The following MED12L variants were observed in gnomAD, a reference collection of about 807,000 sequenced individuals.
MED12L encodes mediator of RNA polymerase II transcription subunit 12-like protein.
MED12L carries 60 observed loss-of-function variants against 281.3 expected under a neutral mutation model. The ratio of observed to expected loss-of-function variants is 0.21; its 90% CI spans 0.17 to 0.26. MED12L has a LOEUF of 0.26. Ranked by LOEUF, MED12L falls within the 10% of genes least tolerant of loss-of-function variation. The pLI is 1.00. For missense variants in MED12L, 2,146 were observed against 2,680.9 expected (o/e 0.80, Z 4.41); for synonymous variants, 974 against 987.2 (o/e 0.99, Z 0.25).
chr3:151,387,716 C>T, intron 36 of MED12L, 94 bp from the exon 37 acceptor site: 6 of 1,466,992 alleles, frequency 4.1e-6, no homozygotes, highest in Non-Finnish European at 4.6e-6. Context: ...TCATGCCAGC[C>T]AAAGTGTTCT....
At chr3:151,178,180 A>AAAAAAAAAAAG (rs1560124043) in intron 11 of MED12L, among the ~76,000 whole-genome samples, 1 of 151,264 alleles carries the variant, frequency 6.6e-6, no homozygotes, top group African/African-American at 2.4e-5. Flanking sequence ...AAAAAAAAAA[A>AAAAAAAAAAAG]AAAAGAAAGT....
chr3:151,175,269 T>A (rs866334534), intron 11 of MED12L, among the ~76,000 whole-genome samples: 1 of 152,244 alleles, frequency 6.6e-6, no homozygotes, highest in African/African-American at 2.4e-5. Context: ...TTATTGGTGC[T>A]GTAATATGAA....
intron 16 of MED12L, among the ~76,000 whole-genome samples, chr3:151,315,516 A>G (rs1021197202): frequency 6.6e-6 from 1 of 152,178 alleles, no homozygotes; most frequent in African/African-American, 2.4e-5. Flanking sequence ...CTGCTCTTCT[A>G]GGCCCTTGTC....
chr3:151,263,130 T>C (rs180761723), intron 16 of MED12L, among the ~76,000 whole-genome samples: 21 of 152,186 alleles, frequency 1.4e-4, no homozygotes, highest in African/African-American at 4.8e-4. Context: ...ATGGGCGAAG[T>C]GGGTGCAGAG....
chr3:151,400,380 A>G (rs548562840), intron 39 of MED12L, among the ~76,000 whole-genome samples: 12 of 152,224 alleles, frequency 7.9e-5, no homozygotes, highest in Non-Finnish European at 1.6e-4. Flanking sequence ...ATTGGTTAAA[A>G]AATGCACTTG....
At chr3:151,232,572 T>A (rs1024331521) in intron 16 of MED12L, among the ~76,000 whole-genome samples, 3 of 152,088 alleles carry the variant, frequency 2.0e-5, no homozygotes, top group African/African-American at 7.2e-5. Context: ...ATAAAGAAAA[T>A]GTGGCACATA....
At chr3:151,278,858 T>G (rs1742337733) in intron 16 of MED12L, among the ~76,000 whole-genome samples, 1 of 152,220 alleles carries the variant, frequency 6.6e-6, no homozygotes, top group South Asian at 2.1e-4. Context: ...GTCGACATAT[T>G]CTAGATAAGA....
At chr3:151,266,581 TG>T (rs1385688313) in intron 16 of MED12L, among the ~76,000 whole-genome samples, 1 of 152,256 alleles carries the variant, frequency 6.6e-6, no homozygotes, top group Non-Finnish European at 1.5e-5. Context: ...TGGGGGTTGC[TG>T]TCTTATTTTC....
chr3:151,389,577 A>G (rs916880360), intron 37 of MED12L, among the ~76,000 whole-genome samples: 2 of 152,188 alleles, frequency 1.3e-5, no homozygotes, highest in African/African-American at 2.4e-5. Context: ...GAAGCACTGT[A>G]GGGCTCTCTG....
chr3:151,384,185 G>A lies in MED12L; in HGVS notation c.4893G>A (p.Lys1631=), dbSNP rs368010782. The A allele has an allele frequency of 8.1e-6, 13 of 1,611,704 alleles. No individual in the cohort carries two copies. Among genetic ancestry groups the A allele is most frequent in the East Asian group, 2.2e-5 (1 of 44,866 alleles). The change falls in exon 35 of 45, where the codon AAG becomes AAA. Residue 1631 remains lysine (K), a synonymous_variant. Coordinates refer to ENST00000687756, the MANE Select transcript of MED12L (RefSeq NM_001393769.1). ...CCCCTGGGGGATCTGAAGAGAACAA[G>A]CGTGCATACATGAATTTAGTAAAGA... ...NASPGGSEEN[K]RAYMNLVKKL... is the part of the protein sequence containing the mutation.
At chr3:151,309,252 T>C (rs1444510477) in intron 16 of MED12L, among the ~76,000 whole-genome samples, 1 of 152,208 alleles carries the variant, frequency 6.6e-6, no homozygotes. Flanking sequence ...AATAGGAATA[T>C]TTGAATTAAA....
chr3:151,179,309 T>C (rs1172783833), intron 11 of MED12L, among the ~76,000 whole-genome samples: 1 of 152,014 alleles, frequency 6.6e-6, no homozygotes, highest in African/African-American at 2.4e-5. Context: ...AACTGTACTC[T>C]AGCCTGGGTG....
intron 16 of MED12L, chr3:151,300,212 G>A: frequency 2.6e-6 from 2 of 783,198 alleles, no homozygotes; most frequent in Admixed American, 2.0e-5. Flanking sequence ...GGGAGAAAAT[G>A]AAAAATGAGG....
intron 16 of MED12L, among the ~76,000 whole-genome samples, chr3:151,299,198 C>CTT (rs1745521568): frequency 6.6e-6 from 1 of 152,144 alleles, no homozygotes. Flanking sequence ...GGACGTGACA[C>CTT]TTGGCACAAA....
At chr3:151,404,131 G>A (rs1716017433) in intron 39 of MED12L, among the ~76,000 whole-genome samples, 1 of 152,100 alleles carries the variant, frequency 6.6e-6, no homozygotes, top group African/African-American at 2.4e-5. Context: ...TTATGTATAA[G>A]TATTTAAAGT....
intron 20 of MED12L, among the ~76,000 whole-genome samples, chr3:151,358,815 A>C (rs1274578923): frequency 6.6e-6 from 1 of 152,200 alleles, no homozygotes; most frequent in South Asian, 2.1e-4. Flanking sequence ...TTGCAAATCA[A>C]AGAAGTTGAG....
At chr3:151,115,891 C>T (rs1316844883) in intron 2 of MED12L, among the ~76,000 whole-genome samples, 2 of 151,472 alleles carry the variant, frequency 1.3e-5, no homozygotes, top group Non-Finnish European at 2.9e-5. Context: ...AACCCCATCT[C>T]TACTAAAAGT....
intron 16 of MED12L, among the ~76,000 whole-genome samples, chr3:151,227,575 CTTTG>C (rs751604802): frequency 1.3e-5 from 2 of 152,226 alleles, no homozygotes; most frequent in African/African-American, 2.4e-5. Flanking sequence ...CCTGTCTTCA[CTTTG>C]TGATTATGCA....
chr3:151,261,189 C>T (rs1157396222), intron 16 of MED12L, among the ~76,000 whole-genome samples: 5 of 151,770 alleles, frequency 3.3e-5, no homozygotes, highest in Non-Finnish European at 2.9e-5. Flanking sequence ...TTGGAAATGC[C>T]CATGAATGAG....
Sources: allele counts gnomAD v4.1 joint callset (sites outside exome capture counted in the v4.1 genomes callset), GRCh38; gene constraint gnomAD v4.1.1; transcripts MANE v1.5; gene names NCBI Gene and HGNC (gene_info 2026-07-23, HGNC 2026-07-21).